USH2A: variants seen among roughly 807,000 people sequenced by gnomAD.
The protein encoded by USH2A is usherin, also known as Usher syndrome 2A (autosomal recessive, mild).
A neutral mutation model predicts 538.9 loss-of-function variants in USH2A; 443 were observed. The observed-to-expected ratio is 0.82, with a 90% confidence interval of 0.76 to 0.89. The LOEUF is 0.89. Among genes scored for constraint, USH2A ranks in the 40% least tolerant of loss-of-function variants. USH2A has a pLI of 0.00. For missense variants in USH2A, 6,633 were observed against 6,324.8 expected (o/e 1.05, Z -1.65); for synonymous variants, 2,413 against 2,273.5 (o/e 1.06, Z -1.75).
At chr1:216,396,380 G>T (rs533707505) in intron 3 of USH2A, among the ~76,000 whole-genome samples, 1 of 152,082 alleles carries the variant, frequency 6.6e-6, no homozygotes, top group South Asian at 2.1e-4. Flanking sequence ...TTCCATGGGC[G>T]CTTCCACTGT....
At chr1:215,770,675 G>C (rs990202959) in intron 55 of USH2A, among the ~76,000 whole-genome samples, 1 of 152,072 alleles carries the variant, frequency 6.6e-6, no homozygotes, top group African/African-American at 2.4e-5. Context: ...GCCCTCTTCT[G>C]TGCACTTCAT....
chr1:216,094,676 C>T (rs2032395550), intron 22 of USH2A, among the ~76,000 whole-genome samples: 1 of 151,988 alleles, frequency 6.6e-6, no homozygotes, highest in African/African-American at 2.4e-5. Context: ...TATTTCTTTC[C>T]AACCTGGTGC....
chr1:215,684,780 A>C (rs951573856), intron 61 of USH2A, among the ~76,000 whole-genome samples: 13 of 152,078 alleles, frequency 8.5e-5, no homozygotes, highest in African/African-American at 3.1e-4. Flanking sequence ...TGGGCTCTTT[A>C]TCCTGAAATG....
intron 32 of USH2A, among the ~76,000 whole-genome samples, chr1:216,017,141 G>A (rs140570028): frequency 0.028 from 4,299 of 151,940 alleles, 106 homozygotes; most frequent in Non-Finnish European, 0.041. Context: ...AAAGCCCCTC[G>A]TTTCATCCAT....
chr1:216,396,914 C>A (rs192405439), intron 3 of USH2A, among the ~76,000 whole-genome samples: 3 of 152,192 alleles, frequency 2.0e-5, no homozygotes, highest in African/African-American at 4.8e-5. Flanking sequence ...TAATATAAAG[C>A]ACTAGCAATT....
chr1:216,231,867 T>A, intron 14 of USH2A, 86 bp downstream of exon 14: 1 of 1,553,994 alleles, frequency 6.4e-7, no homozygotes. Flanking sequence ...AAATACTTTT[T>A]ACAGAAGTTA....
At chr1:215,869,675 T>C (rs532102816) in intron 43 of USH2A, among the ~76,000 whole-genome samples, 1 of 152,356 alleles carries the variant, frequency 6.6e-6, no homozygotes, top group Non-Finnish European at 1.5e-5. Context: ...TCTGGATACC[T>C]AGCCTCCTCT....
chr1:215,689,249 G>A (rs1658524459), intron 61 of USH2A, among the ~76,000 whole-genome samples: 2 of 152,204 alleles, frequency 1.3e-5, no homozygotes, highest in Admixed American at 6.5e-5. Flanking sequence ...ATACACATTT[G>A]AGGGTCCTTG....
chr1:215,672,901 A>T (rs971026174), intron 63 of USH2A, among the ~76,000 whole-genome samples: 5 of 152,244 alleles, frequency 3.3e-5, no homozygotes, highest in Admixed American at 3.3e-4. Flanking sequence ...GCCTGGAAAA[A>T]GCATTCCTTT....
intron 37 of USH2A, among the ~76,000 whole-genome samples, 172 bp from the exon 38 acceptor site, chr1:215,934,967 A>G (rs1165467537): frequency 6.6e-6 from 1 of 152,052 alleles, no homozygotes; most frequent in Non-Finnish European, 1.5e-5. Flanking sequence ...GGATTTTATT[A>G]TCTTGTGAAC....
At chr1:216,157,625 C>T (rs2033976089) in intron 21 of USH2A, among the ~76,000 whole-genome samples, 1 of 152,168 alleles carries the variant, frequency 6.6e-6, no homozygotes, top group Middle Eastern at 3.2e-3. Flanking sequence ...CCATGGAATA[C>T]TACCCAATCA....
At chr1:215,853,025 C>A (rs2102829152) in intron 44 of USH2A, among the ~76,000 whole-genome samples, 1 of 152,322 alleles carries the variant, frequency 6.6e-6, no homozygotes, top group African/African-American at 2.4e-5. Context: ...TAGGCAGTGC[C>A]CCAATGAGGA....
At chr1:216,265,068 G>A (rs1264033748) in intron 11 of USH2A, among the ~76,000 whole-genome samples, 1 of 152,036 alleles carries the variant, frequency 6.6e-6, no homozygotes, top group African/African-American at 2.4e-5. Flanking sequence ...CAACAAAGTG[G>A]AGAGACGACC....
intron 48 of USH2A, among the ~76,000 whole-genome samples, chr1:215,816,700 T>C (rs1473575921): frequency 6.6e-6 from 1 of 152,228 alleles, no homozygotes; most frequent in Non-Finnish European, 1.5e-5. Flanking sequence ...AACACCTATT[T>C]GTAGCTGAAA....
chr1:216,088,042 A>G (rs1425652859), intron 23 of USH2A, among the ~76,000 whole-genome samples: 1 of 152,052 alleles, frequency 6.6e-6, no homozygotes, highest in Non-Finnish European at 1.5e-5. Flanking sequence ...ATGTCATGTC[A>G]TTAGCTCTTT....
chr1:215,753,935 G>A (rs1660705749), intron 58 of USH2A, among the ~76,000 whole-genome samples: 1 of 152,194 alleles, frequency 6.6e-6, no homozygotes, highest in Admixed American at 6.5e-5. Context: ...TCATAAATCT[G>A]AGAGACTTTG....
At chr1:215,902,622 T>C (rs1665531134) in intron 38 of USH2A, among the ~76,000 whole-genome samples, 1 of 151,990 alleles carries the variant, frequency 6.6e-6, no homozygotes, top group African/African-American at 2.4e-5. Flanking sequence ...AAAGAGAAGG[T>C]AAAAAGAATT....
chr1:215,882,510 A>G (rs1664938793), intron 41 of USH2A, among the ~76,000 whole-genome samples: 1 of 152,128 alleles, frequency 6.6e-6, no homozygotes, highest in Admixed American at 6.5e-5. Context: ...GTATTTTTTC[A>G]ATCAGACAGA....
At chr1:216,224,749 A>G (rs887792173) in intron 14 of USH2A, among the ~76,000 whole-genome samples, 1 of 152,184 alleles carries the variant, frequency 6.6e-6, no homozygotes, top group Admixed American at 6.6e-5. Context: ...GCTATATCCA[A>G]CAAATAGAGC....
Sources: allele counts gnomAD v4.1 joint callset (sites outside exome capture counted in the v4.1 genomes callset), GRCh38; gene constraint gnomAD v4.1.1; transcripts MANE v1.5; gene names NCBI Gene and HGNC (gene_info 2026-07-23, HGNC 2026-07-21).